The following SLC25A26 variants were observed in gnomAD, a reference collection of about 807,000 sequenced individuals.
The protein encoded by SLC25A26 is mitochondrial S-adenosylmethionine carrier protein.
In SLC25A26, 36 loss-of-function variants were observed where a neutral mutation model predicts 37.8. The observed-to-expected ratio is 0.95, with a 90% confidence interval of 0.73 to 1.26. The LOEUF is 1.26. Among genes scored for constraint, SLC25A26 ranks in the 50% most tolerant of loss-of-function variants. The probability of loss-of-function intolerance (pLI) is 0.00; values close to 1 mark genes in which losing one functional copy is unlikely to be tolerated. For missense variants in SLC25A26, 390 were observed against 331.1 expected (o/e 1.18, Z -1.38); for synonymous variants, 129 against 122.5 (o/e 1.05, Z -0.35).
At chr3:66,255,122 T>C (rs2073249272) in intron 3 of SLC25A26, among the ~76,000 whole-genome samples, 1 of 152,210 alleles carries the variant, frequency 6.6e-6, no homozygotes, top group Non-Finnish European at 1.5e-5. Context: ...TTTAGTTTTA[T>C]GATTTGTAGT....
chr3:66,367,461 A>G (rs755144090), intron 7 of SLC25A26, among the ~76,000 whole-genome samples: 38 of 152,326 alleles, frequency 2.5e-4, no homozygotes, highest in Non-Finnish European at 4.3e-4. Context: ...CCACAGAATA[A>G]GTAATTACCT....
At chr3:66,276,579 C>T (rs73833439) in intron 5 of SLC25A26, among the ~76,000 whole-genome samples, 164 of 152,072 alleles carry the variant, frequency 1.1e-3, no homozygotes, top group African/African-American at 3.5e-3. Flanking sequence ...CATCCTTTTT[C>T]GTCTGGCCTT....
intron 9 of SLC25A26, among the ~76,000 whole-genome samples, chr3:66,371,931 T>G (rs1347238213): frequency 6.6e-6 from 1 of 152,084 alleles, no homozygotes; most frequent in Non-Finnish European, 1.5e-5. Flanking sequence ...ACTCTGTCTC[T>G]AAAAAATAAA....
chr3:66,144,906 G>A (rs1273724335), intron 1 of SLC25A26, among the ~76,000 whole-genome samples: 1 of 152,222 alleles, frequency 6.6e-6, no homozygotes, highest in Non-Finnish European at 1.5e-5. Context: ...AGGTGAAAGA[G>A]TCAGATGTCT....
intron 5 of SLC25A26, among the ~76,000 whole-genome samples, chr3:66,274,592 A>T (rs1576768742): frequency 6.6e-6 from 1 of 152,282 alleles, no homozygotes; most frequent in African/African-American, 2.4e-5. Context: ...TAGGCAAAGG[A>T]TATGAACAGA....
At chr3:66,204,258 T>G (rs2071145450) in intron 1 of SLC25A26, among the ~76,000 whole-genome samples, 1 of 151,674 alleles carries the variant, frequency 6.6e-6, no homozygotes, top group Non-Finnish European at 1.5e-5. Context: ...ACCCCGTCTC[T>G]GCTTAAAATA....
intron 3 of SLC25A26, among the ~76,000 whole-genome samples, chr3:66,254,086 A>G (rs2073205569): frequency 6.6e-6 from 1 of 152,206 alleles, no homozygotes; most frequent in Non-Finnish European, 1.5e-5. Flanking sequence ...GTGATTGGAA[A>G]GAGTCTTATA....
intron 2 of SLC25A26, among the ~76,000 whole-genome samples, chr3:66,238,999 C>T (rs1033219280): frequency 1.3e-5 from 2 of 152,148 alleles, no homozygotes; most frequent in African/African-American, 4.8e-5. Context: ...TCACCATTTG[C>T]TTTAGTTTCA....
rs765306591 is a variant in SLC25A26, at chr3:66,370,603, G to A, written c.707+1G>A. 2.5e-6 allele frequency: 4 copies of A among 1,613,050 alleles called. No individual in the cohort carries two copies. The Admixed American group carries it at 6.7e-5, about 27-fold the overall frequency. On this transcript the variant is annotated splice_donor_variant, in intron 9 of 9. Transcript: ENST00000354883. LOFTEE classifies it high-confidence loss of function. ...TCTGGCGGTCACAGGGGCTGGCAGG[G>A]TAAGACGAGGAATGCCCTCCTTCCT...
chr3:66,293,033 A>C (rs2074768695), intron 5 of SLC25A26: 1 of 151,724 alleles, frequency 6.6e-6, no homozygotes, highest in South Asian at 2.1e-4. Context: ...TATTTCATTA[A>C]GTTGATCTTC....
intron 1 of SLC25A26, among the ~76,000 whole-genome samples, chr3:66,207,986 A>G (rs1254640114): frequency 6.6e-6 from 1 of 152,216 alleles, no homozygotes; most frequent in Admixed American, 6.5e-5. Context: ...GCACTTATGC[A>G]AGCACAGTGT....
chr3:66,248,254 T>C (rs2072935842), intron 3 of SLC25A26, among the ~76,000 whole-genome samples: 1 of 152,222 alleles, frequency 6.6e-6, no homozygotes, highest in Non-Finnish European at 1.5e-5. Context: ...GTTTGCAATT[T>C]AGAATACAGT....
chr3:66,209,078 C>A (rs1270396227), intron 1 of SLC25A26, among the ~76,000 whole-genome samples: 21 of 8,350 alleles, frequency 2.5e-3, no homozygotes, highest in African/African-American at 6.5e-3. Context: ...ACACACACAC[C>A]CATATAAAGA....
chr3:66,205,599 T>G (rs1400796152), intron 1 of SLC25A26, among the ~76,000 whole-genome samples: 1 of 152,222 alleles, frequency 6.6e-6, no homozygotes, highest in African/African-American at 2.4e-5. Flanking sequence ...CATACTTTAT[T>G]GCATAGCTGG....
intron 8 of SLC25A26, among the ~76,000 whole-genome samples, chr3:66,369,869 A>T (rs554377197): frequency 6.6e-6 from 1 of 152,216 alleles, no homozygotes; most frequent in African/African-American, 2.4e-5. Context: ...CAGGTAAGTG[A>T]CAGGCTTTGA....
At chr3:66,179,416 G>A (rs572719941) in intron 1 of SLC25A26, among the ~76,000 whole-genome samples, 2 of 152,122 alleles carry the variant, frequency 1.3e-5, no homozygotes, top group Non-Finnish European at 1.5e-5. Flanking sequence ...ATTATGAAAC[G>A]TTTCCCCCTC....
At chr3:66,316,393 C>T (rs141519001) in intron 5 of SLC25A26, among the ~76,000 whole-genome samples, 12 of 152,238 alleles carry the variant, frequency 7.9e-5, no homozygotes, top group East Asian at 7.7e-4. Flanking sequence ...TGGCCAGATA[C>T]GAAATTCTAG....
chr3:66,359,544 G>A (rs1241279082), intron 6 of SLC25A26, among the ~76,000 whole-genome samples: 2 of 152,196 alleles, frequency 1.3e-5, no homozygotes, highest in African/African-American at 4.8e-5. Context: ...TTAACTGAAA[G>A]TGACCTTTAG....
chr3:66,216,567 C>T (rs1169282292), upstream of SLC25A26, among the ~76,000 whole-genome samples: 2 of 151,358 alleles, frequency 1.3e-5, no homozygotes, highest in East Asian at 3.9e-4. Flanking sequence ...AGTAACGGGG[C>T]TTGGAACTTA....
Sources: gnomAD v4.1 joint callset for allele counts (sites outside exome capture counted in the v4.1 genomes callset) on GRCh38, gnomAD v4.1.1 for gene constraint, MANE v1.5 for transcripts, NCBI Gene and HGNC (gene_info 2026-07-23, HGNC 2026-07-21) for gene names.